ST3GAL1: variants seen among roughly 807,000 people sequenced by gnomAD.
ST3GAL1 encodes ST3 beta-galactoside alpha-2,3-sialyltransferase 1, also known as CMP-N-acetylneuraminate-beta-galactosamide-alpha-2,3-sialyltransferase 1.
ST3GAL1 carries 16 observed loss-of-function variants against 34.1 expected under a neutral mutation model. The observed-to-expected ratio is 0.47, with a 90% confidence interval of 0.32 to 0.71. The LOEUF (loss-of-function observed/expected upper bound fraction) is 0.71, where lower values mean the gene tolerates loss of function less well. Among genes scored for constraint, ST3GAL1 ranks in the 30% least tolerant of loss-of-function variants. ST3GAL1 has a pLI of 0.04. For missense variants in ST3GAL1, 353 were observed against 447.4 expected, an observed-to-expected ratio of 0.79 and a Z score of 1.90; for synonymous variants, 191 against 184.7, an observed-to-expected ratio of 1.03 and a Z score of -0.28.
chr8:133,497,086 T>C (rs1241549693), intron 3 of ST3GAL1, among the ~76,000 whole-genome samples: 1 of 152,212 alleles, frequency 6.6e-6, no homozygotes, highest in African/African-American at 2.4e-5. Flanking sequence ...CTAATGGCTG[T>C]GCCAAGACAG....
intron 3 of ST3GAL1, among the ~76,000 whole-genome samples, 194 bp downstream of exon 3, chr8:133,498,941 C>T (rs1325294183): frequency 2.6e-4 from 40 of 152,346 alleles, no homozygotes; most frequent in Non-Finnish European, 2.9e-4. Context: ...ATGTTTTTCT[C>T]AAATGCCACC....
intron 2 of ST3GAL1, among the ~76,000 whole-genome samples, chr8:133,542,968 A>G (rs1818575823): frequency 6.6e-6 from 1 of 151,910 alleles, no homozygotes; most frequent in Non-Finnish European, 1.5e-5. Context: ...TAGACTGAGG[A>G]CTAATCAGAA....
At chr8:133,553,787 A>T (rs1330282025) in intron 1 of ST3GAL1, among the ~76,000 whole-genome samples, 1 of 152,188 alleles carries the variant, frequency 6.6e-6, no homozygotes, top group Non-Finnish European at 1.5e-5. Context: ...AACCTGTGCC[A>T]CCTTTGGGAA....
chr8:133,465,007 TCAGA>T, intron 6 of ST3GAL1, 50 bp from the exon 7 acceptor site: 13 of 1,561,454 alleles, frequency 8.3e-6, no homozygotes, highest in South Asian at 2.4e-5. Context: ...GCACCCGTTC[TCAGA>T]CAGCCTGAGA....
chr8:133,461,578 A>C lies in ST3GAL1; in HGVS notation c.849+297T>G, dbSNP rs1249727792. Among the ~76,000 whole-genome samples, 1 of 152,174 alleles carries C rather than the reference A, an allele frequency of 6.6e-6. No individual in the cohort carries two copies. The highest frequency in any genetic ancestry group is 6.5e-5 in the Admixed American group (1 of 15,274). Reference sequence around the variant, plus strand: ...GTGGCCTTAGACAACTCTCGCTATGAGAATCCGCTTCTGTATCCGGAATCT... The same window carrying C: ...GTGGCCTTAGACAACTCTCGCTATGCGAATCCGCTTCTGTATCCGGAATCT... On this transcript the variant is annotated intron_variant, in intron 9 of 9. Coordinates refer to ENST00000522652, the MANE Select transcript of ST3GAL1 (RefSeq NM_173344.3). This position sits in a 1 kb window ranked among gnomAD's most constrained non-coding sequence, Gnocchi z 4.7.
In ST3GAL1 at chr8:133,456,124, T is replaced by A. The variant is rs1815288435; in HGVS notation, c.*3640A>T. ...TGAATGATGCTTGGAAAAGCTGGAG[T>A]TTTAAAAGGCATTCATCCATTTATG... On this transcript the variant is annotated 3_prime_UTR_variant, in exon 10 of 10. Coordinates refer to ENST00000522652, the MANE Select transcript of ST3GAL1 (RefSeq NM_173344.3). 1 of 152,034 alleles carries A rather than the reference T, an allele frequency of 6.6e-6. No homozygotes were observed. The highest frequency in any genetic ancestry group is 2.4e-5 in the African/African-American group (1 of 41,374). The allele number at this position is 152,034 out of a possible 1,614,324, so 9.4% of individuals were successfully genotyped here. A position where few individuals can be genotyped will look rare whatever the true frequency, so the allele number is the denominator to read the frequency against.
intron 1 of ST3GAL1, among the ~76,000 whole-genome samples, chr8:133,564,519 TACACACACACACACACAC>T (rs60855292): frequency 5.5e-5 from 8 of 145,952 alleles, no homozygotes; most frequent in African/African-American, 2.0e-4. Flanking sequence ...AAAGAGAAAA[TACACACACACACACACAC>T]ACACACACAC....
chr8:133,551,586 GA>G (rs1818856826), intron 1 of ST3GAL1, among the ~76,000 whole-genome samples: 2 of 149,884 alleles, frequency 1.3e-5, no homozygotes, highest in African/African-American at 5.0e-5. Context: ...AAGAAAGAAA[GA>G]AAGAAAGAAA....
intron 3 of ST3GAL1, among the ~76,000 whole-genome samples, chr8:133,494,253 C>G (rs894376146): frequency 6.6e-5 from 10 of 152,138 alleles, no homozygotes; most frequent in African/African-American, 2.4e-4. Flanking sequence ...AGAATAAGAG[C>G]CTTCTGATAC....
At chr8:133,551,562 GAA>G (rs1491221499) in intron 1 of ST3GAL1, among the ~76,000 whole-genome samples, 26 of 139,298 alleles carry the variant, frequency 1.9e-4, no homozygotes, top group African/African-American at 7.2e-4. Context: ...AAGAAAGAAA[GAA>G]AGAAAGAAAG....
chr8:133,522,613 A>G (rs1817845863), intron 2 of ST3GAL1, among the ~76,000 whole-genome samples: 2 of 152,192 alleles, frequency 1.3e-5, no homozygotes, highest in South Asian at 4.1e-4. Flanking sequence ...GCGCTGGCAC[A>G]GAAAAGCCTA....
chr8:133,486,919 T>C (rs1043052533), intron 3 of ST3GAL1, among the ~76,000 whole-genome samples: 1 of 152,182 alleles, frequency 6.6e-6, no homozygotes, highest in African/African-American at 2.4e-5. Context: ...AATTAATGAC[T>C]ATTGGTTAGT....
rs1481623157 is a variant in ST3GAL1 at position 133,464,789 on chromosome 8, G to A, written c.672C>T (p.Gly224=). 4 of 1,612,996 alleles carry A rather than the reference G, an allele frequency of 2.5e-6. No individual in the cohort carries two copies. The highest frequency in any genetic ancestry group is 1.7e-6 in the Non-Finnish European group (2 of 1,179,388). The change falls in exon 7 of 10, where the codon GGC becomes GGT. Residue 224 remains glycine (G), a synonymous_variant. Coordinates refer to ENST00000522652, the MANE Select transcript of ST3GAL1 (RefSeq NM_173344.3). Reference sequence around the variant, plus strand: ...CAGGAGGGACTCACTGGGAAATGGTGCCCGTGGTGATGGCGCTCACCACCC... The same window carrying A: ...CAGGAGGGACTCACTGGGAAATGGTACCCGTGGTGATGGCGCTCACCACCC... The part of the protein sequence containing the change: ...LEWVVSAITT[G]TISHTYIPVP...
chr8:133,478,968 G>C (rs56337014), intron 3 of ST3GAL1, among the ~76,000 whole-genome samples: 25,126 of 152,242 alleles, frequency 0.17, 2,769 homozygotes, highest in Non-Finnish European at 0.25. Context: ...AGGGAGAACT[G>C]AGAAAGAAAG....
chr8:133,460,022 A>C, intron 9 of ST3GAL1, 85 bp from the exon 10 acceptor site: 1 of 1,425,766 alleles, frequency 7.0e-7, no homozygotes, highest in Non-Finnish European at 9.5e-7. Flanking sequence ...GCGTTCCTGG[A>C]ATCCCACAGG....
At chr8:133,569,843 A>G (rs1455408598) in intron 1 of ST3GAL1, among the ~76,000 whole-genome samples, 5 of 152,212 alleles carry the variant, frequency 3.3e-5, no homozygotes, top group African/African-American at 7.2e-5. Context: ...CGCGGGGTAA[A>G]GAAAATCAGG....
intron 3 of ST3GAL1, among the ~76,000 whole-genome samples, chr8:133,488,810 A>G (rs970008801): frequency 3.3e-5 from 5 of 152,188 alleles, no homozygotes; most frequent in African/African-American, 9.7e-5. Flanking sequence ...GGTGAGTCCA[A>G]CGAACTGAAA....
At chr8:133,562,852 T>TTCA (rs748884767) in intron 1 of ST3GAL1, among the ~76,000 whole-genome samples, 1 of 56,918 alleles carries the variant, frequency 1.8e-5, no homozygotes. Flanking sequence ...CTTTCTTTCT[T>TTCA]TTTTTTTTTT....
At chr8:133,540,842 C>CATATATAGACAT (rs1478666797) in intron 2 of ST3GAL1, among the ~76,000 whole-genome samples, 3 of 78,584 alleles carry the variant, frequency 3.8e-5, no homozygotes, top group Admixed American at 1.3e-4. Flanking sequence ...TATAGAGAGA[C>CATATATAGACAT]ATATATATAG....
Sources: gnomAD v4.1 joint callset for allele counts (sites outside exome capture counted in the v4.1 genomes callset) on GRCh38, gnomAD v4.1.1 for gene constraint, Gnocchi (gnomAD v3.1) non-coding constraint, MANE v1.5 for transcripts, NCBI Gene and HGNC (gene_info 2026-07-23, HGNC 2026-07-21) for gene names.